Variants in KCNQ5 observed in about 807,000 individuals in gnomAD.
KCNQ5 encodes the protein potassium voltage-gated channel subfamily Q member 5, also known as potassium voltage-gated channel subfamily KQT member 5.
Under a neutral mutation model 98.2 loss-of-function variants are expected in KCNQ5, and 30 were observed. That is an observed-to-expected ratio of 0.31 (90% CI 0.23 to 0.41). The LOEUF (loss-of-function observed/expected upper bound fraction) is 0.41, where lower values mean the gene tolerates loss of function less well. KCNQ5 is among the 10% of genes least tolerant of loss of function. The pLI is 1.00. For synonymous variants in KCNQ5, 458 were observed against 449.4 expected (o/e 1.02, Z -0.24); for missense variants, 835 against 1,182.5 (o/e 0.71, Z 4.31).
chr6:72,958,352 C>A (rs1019305205), intron 1 of KCNQ5, among the ~76,000 whole-genome samples: 2 of 152,202 alleles, frequency 1.3e-5, no homozygotes, highest in Non-Finnish European at 2.9e-5. Flanking sequence ...GCACAACTTA[C>A]TGTTGTGTTC....
chr6:73,029,684 A>G (rs1162602473), intron 2 of KCNQ5, among the ~76,000 whole-genome samples: 1 of 151,998 alleles, frequency 6.6e-6, no homozygotes, highest in Non-Finnish European at 1.5e-5. Flanking sequence ...TTGTAATCCC[A>G]GCACTTTGGG....
At chr6:73,121,818 C>G (rs1191350074) in intron 8 of KCNQ5, among the ~76,000 whole-genome samples, 1 of 152,160 alleles carries the variant, frequency 6.6e-6, no homozygotes, top group African/African-American at 2.4e-5. Flanking sequence ...TGCCCTTGGC[C>G]TCAGTTTTCC....
At chr6:72,898,329 C>G (rs183461218) in intron 1 of KCNQ5, among the ~76,000 whole-genome samples, 5 of 152,106 alleles carry the variant, frequency 3.3e-5, no homozygotes, top group African/African-American at 1.2e-4. Context: ...TCGCCACTCC[C>G]CACCCCCGGC....
At chr6:72,673,607 G>C (rs894870053) in intron 1 of KCNQ5, among the ~76,000 whole-genome samples, 2 of 152,094 alleles carry the variant, frequency 1.3e-5, no homozygotes, top group Non-Finnish European at 2.9e-5. Flanking sequence ...GACCCATGGG[G>C]AGGAGTGGAG....
intron 1 of KCNQ5, among the ~76,000 whole-genome samples, chr6:72,831,939 G>A (rs1285200566): frequency 6.6e-6 from 1 of 151,912 alleles, no homozygotes; most frequent in Non-Finnish European, 1.5e-5. Flanking sequence ...TAACAGAGAG[G>A]GAGGGGGTCA....
At chr6:72,800,067 T>G (rs1774558383) in intron 1 of KCNQ5, among the ~76,000 whole-genome samples, 1 of 152,232 alleles carries the variant, frequency 6.6e-6, no homozygotes, top group African/African-American at 2.4e-5. Flanking sequence ...AATCTGACTC[T>G]TGATAACCAG....
intron 1 of KCNQ5, among the ~76,000 whole-genome samples, chr6:72,840,713 T>C (rs1202689441): frequency 6.6e-6 from 1 of 152,234 alleles, no homozygotes; most frequent in Non-Finnish European, 1.5e-5. Flanking sequence ...ACTCCTATAC[T>C]GATTTTATAG....
Position 73,120,590 on chromosome 6 carries a change from G to A in KCNQ5, c.1220+13G>A, listed in dbSNP as rs746636980. The A allele has an allele frequency of 1.3e-6, 2 of 1,568,552 alleles. No homozygotes were observed. Among genetic ancestry groups the A allele is most frequent in the Non-Finnish European group, 1.8e-6 (2 of 1,142,116 alleles). The stretch of plus-strand genomic sequence containing the variant: ...GCAGCCCTACCAAGTAGGTATCAGT[G>A]TGACAGCTGCCACTGTAGTTGAGTC... On this transcript the variant is annotated intron_variant, in intron 8 of 13. Transcript: ENST00000370398.
intron 3 of KCNQ5, among the ~76,000 whole-genome samples, chr6:73,056,336 G>C (rs1193478051): frequency 1.3e-5 from 2 of 152,010 alleles, no homozygotes; most frequent in Non-Finnish European, 2.9e-5. Context: ...TGACCCCAGA[G>C]GAACTGGCTC....
intron 13 of KCNQ5, among the ~76,000 whole-genome samples, chr6:73,194,222 G>T (rs948877872): frequency 5.3e-5 from 8 of 152,160 alleles, no homozygotes; most frequent in African/African-American, 1.9e-4. Flanking sequence ...GGGGAGAGAT[G>T]CTAATAAAGA....
chr6:72,869,235 C>A (rs555125963), intron 1 of KCNQ5, among the ~76,000 whole-genome samples: 1 of 152,254 alleles, frequency 6.6e-6, no homozygotes, highest in South Asian at 2.1e-4. Context: ...TTAGTGCTTA[C>A]CTATAGTGCA....
intron 1 of KCNQ5, among the ~76,000 whole-genome samples, chr6:72,941,550 T>TCTTCCCTCCCTCCTTCCTTCCCC (rs1582056816): frequency 1.6e-4 from 6 of 37,330 alleles, no homozygotes; most frequent in South Asian, 1.8e-3. Context: ...TTCCTTTCCT[T>TCTTCCCTCCCTCCTTCCTTCCCC]CTTCCCTCCC....
chr6:73,025,237 A>G (rs934648018), intron 2 of KCNQ5, among the ~76,000 whole-genome samples: 2 of 152,222 alleles, frequency 1.3e-5, no homozygotes, highest in Admixed American at 1.3e-4. Flanking sequence ...TTTTACCAAA[A>G]CTGTTGCAAC....
chr6:73,052,332 G>C (rs931179395), intron 3 of KCNQ5, among the ~76,000 whole-genome samples: 1 of 152,186 alleles, frequency 6.6e-6, no homozygotes, highest in African/African-American at 2.4e-5. Context: ...TATCATCCAT[G>C]AAAATTCCCC....
At chr6:72,805,379 C>T (rs1485485123) in intron 1 of KCNQ5, among the ~76,000 whole-genome samples, 1 of 152,090 alleles carries the variant, frequency 6.6e-6, no homozygotes, top group Non-Finnish European at 1.5e-5. Context: ...CATTCTTCTG[C>T]ATATGGAAGC....
Position 72,932,621 on chromosome 6 carries a change from A to G in KCNQ5, c.399-71287A>G, listed in dbSNP as rs567894709. On this transcript the variant is annotated intron_variant, in intron 1 of 13. Coordinates refer to ENST00000370398, the MANE Select transcript of KCNQ5 (RefSeq NM_019842.4). ...TTATTCTTTTTTTAATCAATTTCCCATACTTGTTATTTTATAACTTATTTT... is the reference window on the plus strand; with the variant it reads ...TTATTCTTTTTTTAATCAATTTCCCGTACTTGTTATTTTATAACTTATTTT... Among the ~76,000 whole-genome samples the G allele has an allele frequency of 4.6e-5, 7 of 152,284 alleles. No homozygotes were observed. The South Asian group carries it at 1.2e-3, about 27-fold the overall frequency.
chr6:72,642,215 G>A (rs2039107), intron 1 of KCNQ5, among the ~76,000 whole-genome samples: 7,836 of 150,688 alleles, frequency 0.052, 634 homozygotes, highest in African/African-American at 0.18. Context: ...AACATTTTGC[G>A]AGTAAAAAAC....
chr6:72,879,455 T>A (rs1005155169), intron 1 of KCNQ5, among the ~76,000 whole-genome samples: 3 of 152,168 alleles, frequency 2.0e-5, no homozygotes, highest in Admixed American at 2.0e-4. Context: ...CCTTGCCCAT[T>A]TCTGTTTTTG....
chr6:73,079,227 G>A (rs1442847438), intron 5 of KCNQ5, among the ~76,000 whole-genome samples: 1 of 152,188 alleles, frequency 6.6e-6, no homozygotes, highest in African/African-American at 2.4e-5. Flanking sequence ...ACTTAAGCCT[G>A]GCAGGTAGAT....
Sources: gnomAD v4.1 joint callset for allele counts (sites outside exome capture counted in the v4.1 genomes callset) on GRCh38, gnomAD v4.1.1 for gene constraint, MANE v1.5 for transcripts, NCBI Gene and HGNC (gene_info 2026-07-23, HGNC 2026-07-21) for gene names.